The following ARMC3 variants were observed in gnomAD, a reference collection of about 807,000 sequenced individuals.
The protein encoded by ARMC3 is armadillo repeat containing 3.
Under a neutral mutation model 90.3 loss-of-function variants are expected in ARMC3, and 74 were observed. That is an observed-to-expected ratio of 0.82 (90% CI 0.68 to 0.99). The LOEUF is 0.99. Ranked by LOEUF, ARMC3 falls within the 50% of genes least tolerant of loss-of-function variation. The pLI, the probability that ARMC3 is intolerant of heterozygous loss-of-function variation, is 0.00. For missense variants in ARMC3, 958 were observed against 1,042.8 expected, an observed-to-expected ratio of 0.92 and a Z score of 1.12; for synonymous variants, 334 against 361.8, an observed-to-expected ratio of 0.92 and a Z score of 0.87.
intron 13 of ARMC3, 117 bp downstream of exon 13, chr10:23,003,531 G>GA (rs1186715079): frequency 1.1e-6 from 1 of 936,100 alleles, no homozygotes; most frequent in East Asian, 2.8e-5. Context: ...TTTACAGGCA[G>GA]AAACTTGAAA....
chr10:23,036,739 C>A (rs963632440), intron 18 of ARMC3, among the ~76,000 whole-genome samples: 9 of 152,160 alleles, frequency 5.9e-5, no homozygotes, highest in Non-Finnish European at 7.3e-5. Flanking sequence ...CATCAGAGGG[C>A]AAATTCAAGA....
Position 22,968,491 on chromosome 10 carries a change from TA to T in ARMC3, c.916+3del. ...CCATTACTAAAGCAGCTTATGATCG[TA>T]TGTCTCATTTTATTTTATTTATTTT... On this transcript the variant is annotated splice_donor_region_variant and intron_variant, in intron 8 of 18. Coordinates refer to ENST00000298032, the MANE Select transcript of ARMC3 (RefSeq NM_173081.5). 1 of 1,564,700 alleles carries T rather than the reference TA, an allele frequency of 6.4e-7. No homozygotes were observed. Among genetic ancestry groups the T allele is most frequent in the Middle Eastern group, 1.8e-4 (1 of 5,712 alleles).
At chr10:22,983,412 G>C (rs1588878421) in intron 10 of ARMC3, among the ~76,000 whole-genome samples, 1 of 152,242 alleles carries the variant, frequency 6.6e-6, no homozygotes, top group East Asian at 1.9e-4. Flanking sequence ...TGTTACCATA[G>C]AAAGGTCAGT....
At chr10:23,003,195 G>A (rs1837398914) in intron 12 of ARMC3, 51 bp from the exon 13 acceptor site, 1 of 1,546,388 alleles carries the variant, frequency 6.5e-7, no homozygotes, top group Admixed American at 1.8e-5. Context: ...TGGAGACTCA[G>A]TATTGGATGG....
At chr10:22,956,190 C>A (rs1834929955) in intron 4 of ARMC3, among the ~76,000 whole-genome samples, 1 of 152,168 alleles carries the variant, frequency 6.6e-6, no homozygotes, top group African/African-American at 2.4e-5. Flanking sequence ...GCTGAGAGAG[C>A]AATCATTTTC....
intron 2 of ARMC3, among the ~76,000 whole-genome samples, chr10:22,933,656 C>T (rs550540905): frequency 4.7e-4 from 72 of 152,138 alleles, no homozygotes; most frequent in Middle Eastern, 3.4e-3. Flanking sequence ...GAGGCTGAGG[C>T]GGGCGGATCA....
chr10:22,960,154 C>G (rs11013209), intron 6 of ARMC3: 1 of 68,068 alleles, frequency 1.5e-5, no homozygotes, highest in African/African-American at 2.4e-4. Flanking sequence ...CACACACATA[C>G]ACACACACAC....
At position 23,037,377 on chromosome 10, in the gene ARMC3, G is replaced by GGA; in HGVS notation, c.2518_2519insAG (p.Gly840GlufsTer10). 1 of 1,613,956 alleles carries GGA rather than the reference G, an allele frequency of 6.2e-7. No homozygotes were observed. The highest frequency in any genetic ancestry group is 8.5e-7 in the Non-Finnish European group (1 of 1,179,920). ...ATGACTCTCGGAAGGGAGTGATTGGGGGCCTCCCCGCTCCTGAGATGTACG... is the reference window on the plus strand; with the variant it reads ...ATGACTCTCGGAAGGGAGTGATTGGGGAGGCCTCCCCGCTCCTGAGATGTACG... On this transcript the variant is annotated frameshift_variant, in exon 19 of 19. Transcript: ENST00000298032. LOFTEE classifies it low-confidence loss of function (END_TRUNC).
At chr10:23,002,607 T>TCC (rs762037729) in intron 12 of ARMC3, among the ~76,000 whole-genome samples, 19 of 149,794 alleles carry the variant, frequency 1.3e-4, no homozygotes, top group Non-Finnish European at 2.2e-4. Flanking sequence ...CTTTTTTTCT[T>TCC]TCTTTTTTTT....
At chr10:22,961,055 G>A (rs1026210176) in intron 6 of ARMC3, 16 of 152,190 alleles carry the variant, frequency 1.1e-4, no homozygotes, top group African/African-American at 3.4e-4. Context: ...GAGGTACTGG[G>A]GTTAGGACTT....
chr10:22,960,152 T>TAC (rs111468674), intron 6 of ARMC3: 49 of 196,322 alleles, frequency 2.5e-4, no homozygotes, highest in South Asian at 3.1e-4. Flanking sequence ...TACACACACA[T>TAC]ACACACACAC....
chr10:22,962,091 AT>A lies in ARMC3; in HGVS notation c.732+15del. On this transcript the variant is annotated intron_variant, in intron 7 of 18. Coordinates refer to ENST00000298032, the MANE Select transcript of ARMC3 (RefSeq NM_173081.5). ...CCTAGAAACTAAGGTATTTAGTTTC[AT>A]TCATTCCACCCTCTATGAGGAAATG... 1 of 1,508,124 alleles carries A rather than the reference AT, an allele frequency of 6.6e-7. No homozygotes were observed. The highest frequency in any genetic ancestry group is 8.9e-7 in the Non-Finnish European group (1 of 1,120,328). The allele number at this position is 1,508,124 out of a possible 1,614,324, so 93.4% of individuals were successfully genotyped here. A position where few individuals can be genotyped will look rare whatever the true frequency, so the allele number is the denominator to read the frequency against.
chr10:23,017,531 G>A lies in ARMC3; in HGVS notation c.2045+8600G>A, dbSNP rs554059823. ...TGTAATCCCAACACTTTGGGAGGCC[G>A]AGATGGGCGGATCACTTGAGGTCAG... On this transcript the variant is annotated intron_variant, in intron 16 of 18. Transcript: ENST00000298032. 2.4e-4 allele frequency among the ~76,000 whole-genome samples: 37 copies of A among 152,292 alleles called. 1 individual carries two copies. Among genetic ancestry groups the A allele is most frequent in the Non-Finnish European group, 4.4e-4 (30 of 68,020 alleles).
chr10:22,959,139 G>A lies in ARMC3; in HGVS notation c.361+1G>A. 1 of 1,611,520 alleles carries A rather than the reference G, an allele frequency of 6.2e-7. No homozygotes were observed. The highest frequency in any genetic ancestry group is 8.5e-7 in the Non-Finnish European group (1 of 1,177,664). On this transcript the variant is annotated splice_donor_variant, in intron 5 of 18. Coordinates refer to ENST00000298032, the MANE Select transcript of ARMC3 (RefSeq NM_173081.5). LOFTEE classifies it high-confidence loss of function. ...GTCATTGCCCAGCTCGCTCCAGAAG[G>A]TAACTTTGCATTCTATATCTGTTTT...
At chr10:22,928,952 T>C (rs1402176009) in intron 1 of ARMC3, among the ~76,000 whole-genome samples, 1 of 152,064 alleles carries the variant, frequency 6.6e-6, no homozygotes, top group African/African-American at 2.4e-5. Context: ...CAAAGCCAGG[T>C]ACGGTGGCTC....
chr10:22,951,178 C>G (rs1304106041), intron 3 of ARMC3, among the ~76,000 whole-genome samples: 1 of 152,156 alleles, frequency 6.6e-6, no homozygotes, highest in African/African-American at 2.4e-5. Flanking sequence ...ACCTCGTGAT[C>G]CACCTGTCTC....
chr10:23,010,933 T>TCCTTCCTTTCCCTCCCCTCTTCTAC (rs143402814), intron 16 of ARMC3, among the ~76,000 whole-genome samples: 1 of 42,034 alleles, frequency 2.4e-5, no homozygotes, highest in African/African-American at 1.4e-4. Context: ...CCCTCCCCCT[T>TCCTTCCTTTCCCTCCCCTCTTCTAC]CCTTCCTTTC....
chr10:22,982,998 A>G (rs1836261151), intron 10 of ARMC3, among the ~76,000 whole-genome samples: 1 of 152,232 alleles, frequency 6.6e-6, no homozygotes, highest in Admixed American at 6.5e-5. Context: ...AATCTTTGAC[A>G]CAGTAATTTC....
chr10:22,943,052 G>A (rs1834380386), intron 2 of ARMC3, among the ~76,000 whole-genome samples: 1 of 152,266 alleles, frequency 6.6e-6, no homozygotes, highest in Non-Finnish European at 1.5e-5. Flanking sequence ...TCTCATGGGG[G>A]CAGGGTGGCT....
Sources: allele counts gnomAD v4.1 joint callset (sites outside exome capture counted in the v4.1 genomes callset), GRCh38; gene constraint gnomAD v4.1.1; transcripts MANE v1.5; gene names NCBI Gene and HGNC (gene_info 2026-07-23, HGNC 2026-07-21).